Variants in OR8D1 observed in about 807,000 individuals in gnomAD.
OR8D1 encodes the protein olfactory receptor family 8 subfamily D member 1.
For synonymous variants in OR8D1, 143 were observed against 147.0 expected (o/e 0.97, Z 0.20); for missense variants, 384 against 366.8 (o/e 1.05, Z -0.38).
rs571170820 is a variant in OR8D1, at chr11:124,306,429, A to G, written c.*3411T>C. ...TAATATTCATATAATATTCACAGTG[A>G]AACTTCTGCATACTTTTCTATGGGA... On this transcript the variant is annotated 3_prime_UTR_variant, in exon 3 of 3. Coordinates refer to ENST00000641015, the MANE Select transcript of OR8D1 (RefSeq NM_001002917.2). 6.7e-6 allele frequency: 1 copy of G among 149,436 alleles called. No individual in the cohort carries two copies. Among genetic ancestry groups the G allele is most frequent in the South Asian group, 2.1e-4 (1 of 4,784 alleles). 9.3% of individuals were successfully genotyped at this position (149,436 alleles called of 1,614,324 possible).
chr11:124,309,398 C>CT lies in OR8D1; in HGVS notation c.*441dup, dbSNP rs1862396758. The CT allele has an allele frequency of 6.7e-6, 1 of 150,148 alleles. No homozygotes were observed. Among genetic ancestry groups the CT allele is most frequent in the Admixed American group, 6.7e-5 (1 of 15,012 alleles). The allele number at this position is 150,148 out of a possible 1,614,324, so 9.3% of individuals were successfully genotyped here. A position where few individuals can be genotyped will look rare whatever the true frequency, so the allele number is the denominator to read the frequency against. ...TTTCTTTTTTCTTTTCTTTTCTGTT[C>CT]TTTTCCCTTGTGTATTTGTCTAATT... On this transcript the variant is annotated 3_prime_UTR_variant, in exon 3 of 3. Coordinates refer to ENST00000641015, the MANE Select transcript of OR8D1 (RefSeq NM_001002917.2).
chr11:124,306,395 T>TTA lies in OR8D1; in HGVS notation c.*3443_*3444dup, dbSNP rs1235833680. 2.0e-5 allele frequency: 3 copies of TTA among 148,508 alleles called. No homozygotes were observed. The highest frequency in any genetic ancestry group is 3.9e-4 in the East Asian group (2 of 5,126). The allele number at this position is 148,508 out of a possible 1,614,324, so 9.2% of individuals were successfully genotyped here. On this transcript the variant is annotated 3_prime_UTR_variant, in exon 3 of 3. Transcript: ENST00000641015. ...AGCTACTATATATATATAATGAATA[T>TTA]TATATATATAATATTCATATAATAT...
rs1862423206 is a variant in OR8D1, at chr11:124,311,668, G to T, written c.-113C>A. On this transcript the variant is annotated 5_prime_UTR_variant, in exon 2 of 3. Transcript: ENST00000641015. Reference sequence around the variant, plus strand: ...TTTCCAAAGCGTGGTACCCTTGGTGGTTTGGGCCCTGGATACAAAGAAATA... The same window carrying T: ...TTTCCAAAGCGTGGTACCCTTGGTGTTTTGGGCCCTGGATACAAAGAAATA... The T allele has an allele frequency of 6.6e-6, 1 of 152,158 alleles. No homozygotes were observed. The highest frequency in any genetic ancestry group is 1.5e-5 in the Non-Finnish European group (1 of 68,054). 9.4% of individuals were successfully genotyped at this position (152,158 alleles called of 1,614,324 possible).
chr11:124,309,979 G>T lies in OR8D1; in HGVS notation c.788C>A (p.Pro263His). Residue 263 changes from proline (P) to histidine (H), a missense_variant, in exon 3 of 3, where the codon CCT (proline) becomes CAT (histidine). Transcript: ENST00000641015. ...CTCCTGGTCCAGGGAGTTACTTGAA[G>T]GGGGCTTGAAATACATGAAGGTAAT... ...GSITFMYFKPPSSNSLDQEKV... is the reference protein window; with the variant it reads ...GSITFMYFKPHSSNSLDQEKV... 6.3e-7 allele frequency: 1 copy of T among 1,576,760 alleles called. No homozygotes were observed. Among genetic ancestry groups the T allele is most frequent in the South Asian group, 1.2e-5 (1 of 84,124 alleles).
At chr11:124,313,267 AAGG>A (rs1354048450) in intron 1 of OR8D1, among the ~76,000 whole-genome samples, 2 of 150,346 alleles carry the variant, frequency 1.3e-5, no homozygotes, top group Non-Finnish European at 1.5e-5. Context: ...GGAGGGAAGG[AAGG>A]AGAGAGAGAG....
At position 124,310,107 on chromosome 11, in the gene OR8D1, G is replaced by A; in HGVS notation, c.660C>T (p.Phe220=). The A allele has an allele frequency of 6.2e-7, 1 of 1,613,740 alleles. No homozygotes were observed. ...PTLAVAVSYA[F]ILYSILHIRS... is the part of the protein sequence containing the mutation. ...GGATGTGAAGGATGCTGTAGAGGAT[G>A]AAGGCATAGGAGACAGCAACAGCTA... The change falls in exon 3 of 3, where the codon TTC becomes TTT. Residue 220 remains phenylalanine (F), a synonymous_variant. Transcript: ENST00000641015.
In OR8D1 at chr11:124,304,276, A is replaced by G. The variant is rs1862348410; in HGVS notation, c.*5564T>C. 6.6e-6 allele frequency: 1 copy of G among 151,946 alleles called. No individual in the cohort carries two copies. The highest frequency in any genetic ancestry group is 2.4e-5 in the African/African-American group (1 of 41,422). 9.4% of individuals were successfully genotyped at this position (151,946 alleles called of 1,614,324 possible). A position where few individuals can be genotyped will look rare whatever the true frequency, so the allele number is the denominator to read the frequency against. ...TTGCCTATTCTTGCACTTGAAATAAATTGATTTATACTGTGTGTACTCTTG... is the reference window on the plus strand; with the variant it reads ...TTGCCTATTCTTGCACTTGAAATAAGTTGATTTATACTGTGTGTACTCTTG... On this transcript the variant is annotated 3_prime_UTR_variant, in exon 3 of 3. Coordinates refer to ENST00000641015, the MANE Select transcript of OR8D1 (RefSeq NM_001002917.2).
At position 124,306,209 on chromosome 11, in the gene OR8D1, CCTGT is replaced by C. The variant is rs1443253749; in HGVS notation, c.*3627_*3630del. On this transcript the variant is annotated 3_prime_UTR_variant, in exon 3 of 3. Transcript: ENST00000641015. ...TATATTATTTGATATATATTATCAACCTGTCTTACAGAAATTAATACAGTTATCT... is the reference window on the plus strand; with the variant it reads ...TATATTATTTGATATATATTATCAACCTTACAGAAATTAATACAGTTATCT... 1 of 151,346 alleles carries C rather than the reference CCTGT, an allele frequency of 6.6e-6. No homozygotes were observed. The highest frequency in any genetic ancestry group is 1.5e-5 in the Non-Finnish European group (1 of 67,746). The allele number at this position is 151,346 out of a possible 1,614,324, so 9.4% of individuals were successfully genotyped here. A position where few individuals can be genotyped will look rare whatever the true frequency, so the allele number is the denominator to read the frequency against.
At position 124,303,756 on chromosome 11, in the gene OR8D1, A is replaced by G. The variant is rs1862344204; in HGVS notation, c.*6084T>C. Reference sequence around the variant, plus strand: ...CTTATTTTTATATTATAATCATTTCAAAATAATTACATATAGCAAAATGAA... The same window carrying G: ...CTTATTTTTATATTATAATCATTTCGAAATAATTACATATAGCAAAATGAA... On this transcript the variant is annotated 3_prime_UTR_variant, in exon 3 of 3. Transcript: ENST00000641015. 6.6e-6 allele frequency: 1 copy of G among 151,984 alleles called. No individual in the cohort carries two copies. The highest frequency in any genetic ancestry group is 2.4e-5 in the African/African-American group (1 of 41,412). The allele number at this position is 151,984 out of a possible 1,614,324, so 9.4% of individuals were successfully genotyped here. A position where few individuals can be genotyped will look rare whatever the true frequency, so the allele number is the denominator to read the frequency against.
rs141412375 is a variant in OR8D1, at chr11:124,309,918, G to T, written c.849C>A (p.Pro283=). The T allele has an allele frequency of 1.4e-5, 21 of 1,527,146 alleles. No homozygotes were observed. The highest frequency in any genetic ancestry group is 9.6e-6 in the Non-Finnish European group (11 of 1,140,608). 94.6% of individuals were successfully genotyped at this position (1,527,146 alleles called of 1,614,324 possible). ...GACTGTATATTAAAGGGTTCAGCAT[G>T]GGGATCACCGTGGTGTAGAACACAG... The part of the protein sequence containing the change: ...VSSVFYTTVI[P]MLNPLIYSLR... The change falls in exon 3 of 3, where the codon CCC becomes CCA. Residue 283 remains proline, a synonymous_variant. Coordinates refer to ENST00000641015, the MANE Select transcript of OR8D1 (RefSeq NM_001002917.2).
rs576732617 is a variant in OR8D1, at chr11:124,311,624, A to G, written c.-69T>C. On this transcript the variant is annotated 5_prime_UTR_variant, in exon 2 of 3. Coordinates refer to ENST00000641015, the MANE Select transcript of OR8D1 (RefSeq NM_001002917.2). ...GAAGGTGTCTGAGAAGAATGTTGCT[A>G]TGGGTGTAAATCTTGAACTTTCCAA... The G allele has an allele frequency of 2.0e-5, 3 of 152,236 alleles. No homozygotes were observed. Among genetic ancestry groups the G allele is most frequent in the Non-Finnish European group, 4.4e-5 (3 of 68,112 alleles). The allele number at this position is 152,236 out of a possible 1,614,324, so 9.4% of individuals were successfully genotyped here.
In OR8D1 at chr11:124,309,893, G is replaced by T; in HGVS notation, c.874C>A (p.Leu292Met). The change falls in exon 3 of 3, where the codon CTG (leucine) becomes ATG (methionine). Residue 292 changes from leucine to methionine, a missense_variant. By Grantham distance (15) the Leu-to-Met change is conservative. Coordinates refer to ENST00000641015, the MANE Select transcript of OR8D1 (RefSeq NM_001002917.2). ...IPMLNPLIYS[L>M]RNKDVKKALR... ...GCTTTCTTCACATCCTTATTCCTCA[G>T]ACTGTATATTAAAGGGTTCAGCATG... 1.3e-6 allele frequency: 2 copies of T among 1,504,004 alleles called. No individual in the cohort carries two copies. The highest frequency in any genetic ancestry group is 1.8e-6 in the Non-Finnish European group (2 of 1,126,678). 93.2% of individuals were successfully genotyped at this position (1,504,004 alleles called of 1,614,324 possible). A position where few individuals can be genotyped will look rare whatever the true frequency, so the allele number is the denominator to read the frequency against.
rs2137786901 is a variant in OR8D1, at chr11:124,304,023, A to G, written c.*5817T>C. ...TATAAATAAAATTGTATTGTACAAG[A>G]CCACATTCATTCATTACAATATAAT... On this transcript the variant is annotated 3_prime_UTR_variant, in exon 3 of 3. Coordinates refer to ENST00000641015, the MANE Select transcript of OR8D1 (RefSeq NM_001002917.2). 1 of 152,174 alleles carries G rather than the reference A, an allele frequency of 6.6e-6. No homozygotes were observed. 9.4% of individuals were successfully genotyped at this position (152,174 alleles called of 1,614,324 possible).
At chr11:124,311,951 G>C (rs1202294515) in intron 1 of OR8D1, among the ~76,000 whole-genome samples, 1 of 152,178 alleles carries the variant, frequency 6.6e-6, no homozygotes, top group Non-Finnish European at 1.5e-5. Context: ...ACTCAGCAAT[G>C]AATGGAAAGG....
Position 124,308,180 on chromosome 11 carries a change from CTA to C in OR8D1, c.*1658_*1659del. 6.6e-6 allele frequency: 1 copy of C among 151,784 alleles called. No individual in the cohort carries two copies. 9.4% of individuals were successfully genotyped at this position (151,784 alleles called of 1,614,324 possible). A position where few individuals can be genotyped will look rare whatever the true frequency, so the allele number is the denominator to read the frequency against. The stretch of plus-strand genomic sequence containing the variant: ...TAACAAGAGCAGAAGAAAAATGAGA[CTA>C]AAAGTAAAATAAGTTAATTAAACTG... On this transcript the variant is annotated 3_prime_UTR_variant, in exon 3 of 3. Coordinates refer to ENST00000641015, the MANE Select transcript of OR8D1 (RefSeq NM_001002917.2).
In OR8D1 at chr11:124,310,589, A is replaced by G. The variant is rs757389464; in HGVS notation, c.178T>C (p.Tyr60His). The G allele has an allele frequency of 1.2e-6, 2 of 1,613,982 alleles. No individual in the cohort carries two copies. Among genetic ancestry groups the G allele is most frequent in the Non-Finnish European group, 1.7e-6 (2 of 1,179,934 alleles). Reference protein sequence around the residue: ...AVSPLLHTPMYYFLSSLSFVD... With the variant: ...AVSPLLHTPMHYFLSSLSFVD... ...AAGGACAAGCTGCTGAGGAAATAGT[A>G]CATGGGGGTGTGAAGTAGAGGGCTG... The change falls in exon 3 of 3, where the codon TAC (tyrosine) becomes CAC (histidine). Residue 60 changes from tyrosine (Y) to histidine (H), a missense_variant. Coordinates refer to ENST00000641015, the MANE Select transcript of OR8D1 (RefSeq NM_001002917.2).
At position 124,313,306 on chromosome 11, in the gene OR8D1, GAAAGA is replaced by G. The variant is rs1373578630; in HGVS notation, c.-122+410_-122+414del. 2.2e-5 allele frequency among the ~76,000 whole-genome samples: 3 copies of G among 134,608 alleles called. No homozygotes were observed. In the East Asian group the frequency reaches 6.3e-4, roughly 28 times the overall value. The allele number at this position is 134,608 out of a possible 152,430, so 88.3% of individuals were successfully genotyped here. A position where few individuals can be genotyped will look rare whatever the true frequency, so the allele number is the denominator to read the frequency against. On this transcript the variant is annotated intron_variant, in intron 1 of 2. Coordinates refer to ENST00000641015, the MANE Select transcript of OR8D1 (RefSeq NM_001002917.2). ...AGAAAGAAAAAAGGAAGGAAGGAAA[GAAAGA>G]AAAGAAAGAGAAAAAGGAAAGAAAG...
At position 124,306,969 on chromosome 11, in the gene OR8D1, GA is replaced by G. The variant is rs1211032870; in HGVS notation, c.*2870del. ...TCTTTTTGAGAGTTAGCATATTTTA[GA>G]AACAATATATCCTTGGTTATCCTTG... On this transcript the variant is annotated 3_prime_UTR_variant, in exon 3 of 3. Coordinates refer to ENST00000641015, the MANE Select transcript of OR8D1 (RefSeq NM_001002917.2). The G allele has an allele frequency of 6.6e-6, 1 of 152,046 alleles. No homozygotes were observed. Among genetic ancestry groups the G allele is most frequent in the Non-Finnish European group, 1.5e-5 (1 of 67,974 alleles). The allele number at this position is 152,046 out of a possible 1,614,324, so 9.4% of individuals were successfully genotyped here. A position where few individuals can be genotyped will look rare whatever the true frequency, so the allele number is the denominator to read the frequency against.
rs539536013 is a variant in OR8D1 at position 124,303,350 on chromosome 11, C to T, written c.*6490G>A. The stretch of plus-strand genomic sequence containing the variant: ...GGGATTACAGGTCCCTCTGTCGACA[C>T]GTGGATGTGGACACAGGGCTAAACC... On this transcript the variant is annotated 3_prime_UTR_variant, in exon 3 of 3. Coordinates refer to ENST00000641015, the MANE Select transcript of OR8D1 (RefSeq NM_001002917.2). 5 of 152,126 alleles carry T rather than the reference C, an allele frequency of 3.3e-5. No homozygotes were observed. The highest frequency in any genetic ancestry group is 4.1e-4 in the South Asian group (2 of 4,820). The allele number at this position is 152,126 out of a possible 1,614,324, so 9.4% of individuals were successfully genotyped here.
Sources: allele counts gnomAD v4.1 joint callset (sites outside exome capture counted in the v4.1 genomes callset), GRCh38; gene constraint gnomAD v4.1.1; transcripts MANE v1.5; gene names NCBI Gene and HGNC (gene_info 2026-07-23, HGNC 2026-07-21).